CCSER2: variants seen among roughly 807,000 people sequenced by gnomAD.
The protein encoded by CCSER2 is coiled-coil serine rich protein 2.
A neutral mutation model predicts 92.3 loss-of-function variants in CCSER2; 46 were observed. The observed-to-expected ratio is 0.50, with a 90% confidence interval of 0.39 to 0.64. The LOEUF (loss-of-function observed/expected upper bound fraction) is 0.64, where lower values mean the gene tolerates loss of function less well. Ranked by LOEUF, CCSER2 falls within the 30% of genes least tolerant of loss-of-function variation. The pLI, the probability that CCSER2 is intolerant of heterozygous loss-of-function variation, is 0.00. For missense variants in CCSER2, 1,244 were observed against 1,238.9 expected, an observed-to-expected ratio of 1.00 and a Z score of -0.06; for synonymous variants, 433 against 431.4, an observed-to-expected ratio of 1.00 and a Z score of -0.04.
intron 3 of CCSER2, among the ~76,000 whole-genome samples, chr10:84,392,393 G>T (rs1340245504): frequency 6.9e-6 from 1 of 144,690 alleles, no homozygotes; most frequent in African/African-American, 2.5e-5. Flanking sequence ...ATGGAGAATT[G>T]TACCAAAACA....
intron 9 of CCSER2, among the ~76,000 whole-genome samples, chr10:84,486,078 C>CT (rs1300155308): frequency 6.6e-6 from 1 of 152,064 alleles, no homozygotes; most frequent in African/African-American, 2.4e-5. Context: ...TGAACTCATC[C>CT]TTTTTTATGG....
At chr10:84,427,017 A>G (rs1012721780) in intron 5 of CCSER2, among the ~76,000 whole-genome samples, 1 of 152,234 alleles carries the variant, frequency 6.6e-6, no homozygotes, top group Non-Finnish European at 1.5e-5. Flanking sequence ...GTGTATAAAT[A>G]TAGTACTGTG....
At chr10:84,436,703 A>C (rs934875923) in intron 5 of CCSER2, among the ~76,000 whole-genome samples, 4 of 152,108 alleles carry the variant, frequency 2.6e-5, no homozygotes, top group African/African-American at 9.7e-5. Flanking sequence ...AAGAAGATGA[A>C]GAATAAATAG....
intron 8 of CCSER2, among the ~76,000 whole-genome samples, chr10:84,471,952 TCAA>T (rs1216512261): frequency 6.6e-6 from 1 of 152,120 alleles, no homozygotes; most frequent in African/African-American, 2.4e-5. Context: ...AAATGAATAT[TCAA>T]CATTCTTAAT....
At chr10:84,337,377 C>T (rs1200213844) in intron 1 of CCSER2, among the ~76,000 whole-genome samples, 4 of 152,082 alleles carry the variant, frequency 2.6e-5, no homozygotes, top group South Asian at 2.1e-4. Context: ...TAAGAAGGAG[C>T]GAGTGAGTAA....
chr10:84,378,432 ATTTTT>A, intron 3 of CCSER2, among the ~76,000 whole-genome samples: 1 of 135,944 alleles, frequency 7.4e-6, no homozygotes. Flanking sequence ...TTAAAATTAA[ATTTTT>A]TTTTTTTTTT....
intron 3 of CCSER2, among the ~76,000 whole-genome samples, chr10:84,406,425 A>T (rs184118766): frequency 6.6e-6 from 1 of 152,212 alleles, no homozygotes; most frequent in African/African-American, 2.4e-5. Context: ...TAAACTAATG[A>T]TGGTGTCATT....
At chr10:84,482,247 A>G (rs1589780016) in intron 9 of CCSER2, among the ~76,000 whole-genome samples, 3 of 152,274 alleles carry the variant, frequency 2.0e-5, no homozygotes, top group South Asian at 4.1e-4. Flanking sequence ...AAGTGGGGCA[A>G]TTATTTTTCT....
intron 3 of CCSER2, among the ~76,000 whole-genome samples, chr10:84,385,696 A>C (rs1841163017): frequency 6.6e-6 from 1 of 152,222 alleles, no homozygotes; most frequent in Non-Finnish European, 1.5e-5. Flanking sequence ...GCTTAGGCAA[A>C]AGATTTATGA....
chr10:84,395,411 TTGAA>T (rs1841777464), intron 3 of CCSER2, among the ~76,000 whole-genome samples: 2 of 152,158 alleles, frequency 1.3e-5, no homozygotes, highest in South Asian at 2.1e-4. Flanking sequence ...CTTTCACTAA[TTGAA>T]TGAATTTTAG....
At chr10:84,433,370 A>C (rs1843900437) in intron 5 of CCSER2, among the ~76,000 whole-genome samples, 2 of 152,142 alleles carry the variant, frequency 1.3e-5, no homozygotes, top group Admixed American at 1.3e-4. Context: ...GATTTTATGA[A>C]ATCAAAACTG....
At chr10:84,345,582 G>C (rs1844431326) in intron 1 of CCSER2, among the ~76,000 whole-genome samples, 1 of 152,070 alleles carries the variant, frequency 6.6e-6, no homozygotes, top group Non-Finnish European at 1.5e-5. Context: ...AAAATGATTA[G>C]ATTTTAATTT....
intron 1 of CCSER2, among the ~76,000 whole-genome samples, chr10:84,353,905 A>C (rs964904288): frequency 2.1e-4 from 20 of 95,932 alleles, no homozygotes; most frequent in Non-Finnish European, 5.3e-4. Flanking sequence ...ACAAAAAAAC[A>C]AAAAAACCCA....
intron 9 of CCSER2, among the ~76,000 whole-genome samples, chr10:84,489,991 A>T (rs1410182903): frequency 6.6e-6 from 1 of 152,024 alleles, no homozygotes; most frequent in Non-Finnish European, 1.5e-5. Flanking sequence ...TTTCTCCTTC[A>T]CTTATGAAGC....
intron 7 of CCSER2, among the ~76,000 whole-genome samples, chr10:84,469,915 T>C (rs757432652): frequency 4.6e-5 from 7 of 152,054 alleles, no homozygotes; most frequent in Non-Finnish European, 7.4e-5. Context: ...GTGCCTTTAA[T>C]TATTCTATTG....
intron 1 of CCSER2, among the ~76,000 whole-genome samples, chr10:84,336,799 C>T (rs546800735): frequency 1.3e-3 from 195 of 152,118 alleles, no homozygotes; most frequent in African/African-American, 4.5e-3. Context: ...GTAGGGGTGG[C>T]GCATAATGAG....
At chr10:84,449,870 A>G (rs983415402) in intron 6 of CCSER2, among the ~76,000 whole-genome samples, 34 of 152,276 alleles carry the variant, frequency 2.2e-4, no homozygotes, top group African/African-American at 8.2e-4. Context: ...AACAAACAAA[A>G]AACACATTAA....
intron 1 of CCSER2, among the ~76,000 whole-genome samples, chr10:84,360,398 G>A (rs1371028024): frequency 6.6e-6 from 1 of 152,126 alleles, no homozygotes; most frequent in Non-Finnish European, 1.5e-5. Flanking sequence ...AGAAGAGCAG[G>A]ATACATGCTT....
intron 9 of CCSER2, among the ~76,000 whole-genome samples, chr10:84,478,418 T>G (rs766962969): frequency 2.6e-5 from 4 of 152,210 alleles, no homozygotes; most frequent in Non-Finnish European, 4.4e-5. Flanking sequence ...TCTTTTGCCT[T>G]ATATTTAGGA....
Sources: gnomAD v4.1 joint callset for allele counts (sites outside exome capture counted in the v4.1 genomes callset) on GRCh38, gnomAD v4.1.1 for gene constraint, MANE v1.5 for transcripts, NCBI Gene and HGNC (gene_info 2026-07-23, HGNC 2026-07-21) for gene names.